Variants in GRXCR1 observed in about 807,000 individuals in gnomAD.
The protein encoded by GRXCR1 is glutaredoxin domain-containing cysteine-rich protein 1.
Under a neutral mutation model 27.3 loss-of-function variants are expected in GRXCR1, and 27 were observed. The observed-to-expected ratio is 0.99, with a 90% CI of 0.73 to 1.37. The LOEUF (loss-of-function observed/expected upper bound fraction) is 1.37, where lower values mean the gene tolerates loss of function less well. Ranked by LOEUF, GRXCR1 falls within the 40% of genes most tolerant of loss-of-function variation. The pLI is 0.00. For synonymous variants in GRXCR1, 122 were observed against 131.1 expected, an observed-to-expected ratio of 0.93 and a Z score of 0.47; for missense variants, 379 against 354.4, an observed-to-expected ratio of 1.07 and a Z score of -0.56.
chr4:43,015,616 C>T (rs919633575), intron 2 of GRXCR1, among the ~76,000 whole-genome samples: 2 of 152,048 alleles, frequency 1.3e-5, no homozygotes, highest in Admixed American at 6.6e-5. Flanking sequence ...ATTTAAGGCT[C>T]ACCCATAGCT....
intron 1 of GRXCR1, among the ~76,000 whole-genome samples, chr4:42,924,731 C>G (rs575593513): frequency 1.2e-4 from 18 of 152,070 alleles, no homozygotes; most frequent in Non-Finnish European, 2.4e-4. Flanking sequence ...ACTAATCAAC[C>G]AAATATCATA....
chr4:42,899,770 A>G (rs1290621315), intron 1 of GRXCR1, among the ~76,000 whole-genome samples: 1 of 152,180 alleles, frequency 6.6e-6, no homozygotes, highest in Non-Finnish European at 1.5e-5. Flanking sequence ...TAGTTCAATT[A>G]ATATCTAAGT....
At chr4:42,948,257 A>C (rs1023219709) in intron 1 of GRXCR1, among the ~76,000 whole-genome samples, 1 of 151,600 alleles carries the variant, frequency 6.6e-6, no homozygotes, top group African/African-American at 2.4e-5. Flanking sequence ...TTAATACCTG[A>C]AAGGAAAGCA....
At chr4:42,994,839 T>A (rs1340298637) in intron 2 of GRXCR1, among the ~76,000 whole-genome samples, 1 of 152,184 alleles carries the variant, frequency 6.6e-6, no homozygotes, top group Non-Finnish European at 1.5e-5. Context: ...CATGTTACTT[T>A]AAAGTAAACT....
chr4:42,944,186 C>T (rs1365337517), intron 1 of GRXCR1, among the ~76,000 whole-genome samples: 1 of 151,994 alleles, frequency 6.6e-6, no homozygotes, highest in Admixed American at 6.6e-5. Context: ...AAGGTGACTA[C>T]AGGGTCTGGT....
At chr4:43,001,212 T>C (rs894176089) in intron 2 of GRXCR1, among the ~76,000 whole-genome samples, 4 of 152,036 alleles carry the variant, frequency 2.6e-5, no homozygotes, top group Non-Finnish European at 4.4e-5. Flanking sequence ...TACAATTAGC[T>C]GTGTATGCAG....
At chr4:42,987,049 TGTG>T (rs1299399055) in intron 2 of GRXCR1, among the ~76,000 whole-genome samples, 2 of 147,152 alleles carry the variant, frequency 1.4e-5, no homozygotes, top group African/African-American at 5.0e-5. Context: ...GGGTAAGTGT[TGTG>T]GGTGTGAAAA....
chr4:42,919,213 G>A (rs1193191219), intron 1 of GRXCR1, among the ~76,000 whole-genome samples: 1 of 152,092 alleles, frequency 6.6e-6, no homozygotes, highest in Non-Finnish European at 1.5e-5. Flanking sequence ...GTAGAGGCTG[G>A]CCTGTCAGAC....
chr4:42,965,825 C>A (rs1017611735), intron 2 of GRXCR1, among the ~76,000 whole-genome samples: 1 of 151,914 alleles, frequency 6.6e-6, no homozygotes, highest in Non-Finnish European at 1.5e-5. Flanking sequence ...GGAGATGGGA[C>A]GGAGAACAAG....
intron 2 of GRXCR1, among the ~76,000 whole-genome samples, chr4:42,964,872 C>T (rs1428413288): frequency 2.0e-5 from 3 of 152,034 alleles, no homozygotes; most frequent in Non-Finnish European, 4.4e-5. Context: ...ATCTGATAAA[C>T]TCAACCACAC....
At chr4:42,935,369 T>G (rs554257481) in intron 1 of GRXCR1, among the ~76,000 whole-genome samples, 14 of 151,846 alleles carry the variant, frequency 9.2e-5, no homozygotes, top group Non-Finnish European at 1.9e-4. Flanking sequence ...AATAATTGGA[T>G]GTTGTGCACT....
At chr4:42,975,033 T>G (rs1434889778) in intron 2 of GRXCR1, among the ~76,000 whole-genome samples, 1 of 152,176 alleles carries the variant, frequency 6.6e-6, no homozygotes, top group Non-Finnish European at 1.5e-5. Flanking sequence ...CTACCTGCCC[T>G]GGGTCCATCC....
chr4:42,973,265 C>T (rs1315530173), intron 2 of GRXCR1, among the ~76,000 whole-genome samples: 4 of 151,448 alleles, frequency 2.6e-5, no homozygotes, highest in African/African-American at 4.8e-5. Context: ...AAGAGATATA[C>T]AACAAGGTTG....
chr4:43,012,011 A>G (rs1162242902), intron 2 of GRXCR1, among the ~76,000 whole-genome samples: 1 of 152,210 alleles, frequency 6.6e-6, no homozygotes, highest in African/African-American at 2.4e-5. Context: ...ATTTTAATTG[A>G]CACTTTGATC....
intron 2 of GRXCR1, among the ~76,000 whole-genome samples, chr4:42,977,526 T>TTTTTTTTTTTTTTTTTTTG: frequency 1.3e-5 from 2 of 152,098 alleles, no homozygotes; most frequent in South Asian, 4.1e-4. Flanking sequence ...GGTGAACTCT[T>TTTTTTTTTTTTTTTTTTTG]AATGTGGTTT....
intron 1 of GRXCR1, among the ~76,000 whole-genome samples, chr4:42,929,440 C>T (rs939881602): frequency 2.0e-5 from 3 of 152,006 alleles, no homozygotes; most frequent in Admixed American, 2.0e-4. Context: ...CAGCAGAAAT[C>T]TTGTCATCAG....
intron 2 of GRXCR1, among the ~76,000 whole-genome samples, chr4:42,978,476 C>T (rs1316350201): frequency 6.6e-6 from 1 of 151,864 alleles, no homozygotes; most frequent in East Asian, 1.9e-4. Flanking sequence ...TCTTCAATTT[C>T]TTTTGTGATT....
At chr4:43,014,447 G>A (rs150492482) in intron 2 of GRXCR1, among the ~76,000 whole-genome samples, 24 of 152,132 alleles carry the variant, frequency 1.6e-4, no homozygotes, top group African/African-American at 5.5e-4. Context: ...GGTGCGGGTC[G>A]AACTCCTTCA....
intron 2 of GRXCR1, among the ~76,000 whole-genome samples, chr4:42,970,624 T>A (rs1347722881): frequency 6.6e-6 from 1 of 152,096 alleles, no homozygotes; most frequent in Non-Finnish European, 1.5e-5. Flanking sequence ...GAGCAACATG[T>A]CCCAAGGCTG....
Sources: gnomAD v4.1 joint callset for allele counts (sites outside exome capture counted in the v4.1 genomes callset) on GRCh38, gnomAD v4.1.1 for gene constraint, MANE v1.5 for transcripts, NCBI Gene and HGNC (gene_info 2026-07-23, HGNC 2026-07-21) for gene names.